TXNRD1: variants seen among roughly 807,000 people sequenced by gnomAD.
TXNRD1 encodes the protein thioredoxin reductase 1.
A neutral mutation model predicts 80.3 loss-of-function variants in TXNRD1; 57 were observed. That is an observed-to-expected ratio of 0.71 (90% CI 0.57 to 0.89). The LOEUF is 0.89. TXNRD1 is among the 40% of genes least tolerant of loss of function. TXNRD1 has a pLI of 0.00. For missense variants in TXNRD1, 730 were observed against 803.0 expected (o/e 0.91, Z 1.10); for synonymous variants, 291 against 285.2 (o/e 1.02, Z -0.20).
intron 4 of TXNRD1, chr12:104,304,283 T>G: frequency 6.2e-7 from 1 of 1,614,064 alleles, no homozygotes; most frequent in African/African-American, 1.3e-5. Context: ...CTTTAATCAG[T>G]TAGCATTTTG....
chr12:104,299,637 C>T (rs1261926983), intron 4 of TXNRD1, among the ~76,000 whole-genome samples: 1 of 151,722 alleles, frequency 6.6e-6, no homozygotes, highest in African/African-American at 2.4e-5. Flanking sequence ...CGTGGTGACT[C>T]GTGCCTGTAA....
At chr12:104,324,214 T>C (rs2035671431) in intron 10 of TXNRD1, among the ~76,000 whole-genome samples, 2 of 152,132 alleles carry the variant, frequency 1.3e-5, no homozygotes, top group African/African-American at 4.8e-5. Context: ...TTGATTAAAA[T>C]TAAACAAGAA....
chr12:104,242,751 A>G (rs773731816), intron 1 of TXNRD1, among the ~76,000 whole-genome samples: 11 of 152,240 alleles, frequency 7.2e-5, no homozygotes, highest in Non-Finnish European at 1.2e-4. Flanking sequence ...GTAAACCAAG[A>G]CTAACCCCCA....
At chr12:104,217,394 T>C (rs578249539) in intron 1 of TXNRD1, among the ~76,000 whole-genome samples, 1 of 149,572 alleles carries the variant, frequency 6.7e-6, no homozygotes, top group East Asian at 2.0e-4. Context: ...CACCTCAGCC[T>C]CCACCTCCCA....
Position 104,290,720 on chromosome 12 carries a change from CATATATATATATATAT to C in TXNRD1, c.414+1703_414+1718del, listed in dbSNP as rs58669975. The stretch of plus-strand genomic sequence containing the variant: ...TCAAAAAAAAAAAAAAAGAAATATA[CATATATATATATATAT>C]ATATATATATATATATATATATGTA... On this transcript the variant is annotated intron_variant, in intron 4 of 16. Transcript: ENST00000525566. Among the ~76,000 whole-genome samples the C allele has an allele frequency of 1.4e-3, 78 of 55,864 alleles. 1 individual carries two copies. The highest frequency in any genetic ancestry group is 0.015 in the Middle Eastern group (1 of 68). The allele number at this position is 55,864 out of a possible 152,430, so 36.6% of individuals were successfully genotyped here.
intron 4 of TXNRD1, among the ~76,000 whole-genome samples, chr12:104,291,577 G>A (rs1311043161): frequency 7.3e-6 from 1 of 137,172 alleles, no homozygotes; most frequent in South Asian, 2.4e-4. Context: ...TCTGCCCCTC[G>A]GGTTCAAGTG....
intron 4 of TXNRD1, among the ~76,000 whole-genome samples, chr12:104,289,881 C>G (rs1487313734): frequency 1.3e-5 from 2 of 152,194 alleles, no homozygotes; most frequent in African/African-American, 4.8e-5. Flanking sequence ...TACAGGTGCC[C>G]GCCACTACAC....
rs560029171 is a variant in TXNRD1, at chr12:104,339,419, G to A, written c.1881+146G>A. 103 of 1,135,536 alleles carry A rather than the reference G, an allele frequency of 9.1e-5. 3 individuals are homozygous for A. The South Asian group carries it at 1.2e-3, about 13-fold the overall frequency. The allele number at this position is 1,135,536 out of a possible 1,614,324, so 70.3% of individuals were successfully genotyped here. On this transcript the variant is annotated intron_variant, in intron 16 of 16. Coordinates refer to ENST00000525566, the MANE Select transcript of TXNRD1 (RefSeq NM_001093771.3). ...GCTTTGTCTCTAAAAATTAGTTTTT[G>A]TCTTTCAATACTGATTGCTCATGGT...
chr12:104,331,667 A>G lies in TXNRD1; in HGVS notation c.1650+26A>G, dbSNP rs781101205. The G allele has an allele frequency of 3.6e-5, 52 of 1,436,870 alleles. 1 individual carries two copies. Among genetic ancestry groups the G allele is most frequent in the Middle Eastern group, 3.7e-4 (2 of 5,334 alleles). The allele number at this position is 1,436,870 out of a possible 1,614,324, so 89.0% of individuals were successfully genotyped here. A position where few individuals can be genotyped will look rare whatever the true frequency, so the allele number is the denominator to read the frequency against. ...GTAAGTTCTTTTCCTCTTTTCTCCT[A>G]TGTTATATCACTACTTTTTTTTCTT... is the stretch of plus-strand genomic sequence containing the variant. On this transcript the variant is annotated intron_variant, in intron 14 of 16. Transcript: ENST00000525566.
intron 7 of TXNRD1, among the ~76,000 whole-genome samples, chr12:104,317,365 C>CT (rs68031758): frequency 0.05 from 5,822 of 116,212 alleles, 186 homozygotes; most frequent in African/African-American, 0.073. Flanking sequence ...TCTGCAGTTA[C>CT]TTTTTTTTTT....
intron 14 of TXNRD1, among the ~76,000 whole-genome samples, chr12:104,332,068 T>C (rs1268043987): frequency 6.6e-6 from 1 of 152,184 alleles, no homozygotes; most frequent in Non-Finnish European, 1.5e-5. Context: ...TTGATTTCTC[T>C]GGGTTAATTA....
In TXNRD1 at chr12:104,293,623, GTAT is replaced by G. The variant is rs142174862; in HGVS notation, c.414+4585_414+4587del. Among the ~76,000 whole-genome samples, 939 of 152,198 alleles carry G rather than the reference GTAT, an allele frequency of 6.2e-3. 15 individuals carry two copies. The highest frequency in any genetic ancestry group is 0.021 in the African/African-American group (878 of 41,532). ...ACACCACCTCACCCAGCTTATTTTT[GTAT>G]TTTTTGTATATTGGGGGTTTCACCA... On this transcript the variant is annotated intron_variant, in intron 4 of 16. Coordinates refer to ENST00000525566, the MANE Select transcript of TXNRD1 (RefSeq NM_001093771.3).
rs1275704809 is a variant in TXNRD1 at position 104,325,233 on chromosome 12, C to T, written c.1216-104C>T. On this transcript the variant is annotated intron_variant, in intron 10 of 16. Coordinates refer to ENST00000525566, the MANE Select transcript of TXNRD1 (RefSeq NM_001093771.3). Reference sequence around the variant, plus strand: ...TGGGACATAAAAGACTTTTCAAGCACGATTTTATATTTTAACTTTGGGTTA... The same window carrying T: ...TGGGACATAAAAGACTTTTCAAGCATGATTTTATATTTTAACTTTGGGTTA... 16 of 838,450 alleles carry T rather than the reference C, an allele frequency of 1.9e-5. No homozygotes were observed. In the Admixed American group the frequency reaches 2.0e-4, roughly 10 times the overall value. 51.9% of individuals were successfully genotyped at this position (838,450 alleles called of 1,614,324 possible).
intron 3 of TXNRD1, among the ~76,000 whole-genome samples, chr12:104,263,368 C>T (rs572898216): frequency 6.6e-6 from 1 of 152,220 alleles, no homozygotes; most frequent in African/African-American, 2.4e-5. Context: ...CCATGACTTG[C>T]CCCCAGTGTC....
intron 3 of TXNRD1, among the ~76,000 whole-genome samples, chr12:104,286,425 G>A (rs2033972199): frequency 6.6e-6 from 1 of 152,116 alleles, no homozygotes; most frequent in African/African-American, 2.4e-5. Flanking sequence ...AGTTAGGTGT[G>A]TTCCTAAGAA....
At chr12:104,338,337 CTA>C (rs1219446244) in intron 15 of TXNRD1, among the ~76,000 whole-genome samples, 1 of 151,782 alleles carries the variant, frequency 6.6e-6, no homozygotes, top group Non-Finnish European at 1.5e-5. Flanking sequence ...ACATCATACT[CTA>C]TGTTTTGGTT....
At chr12:104,266,007 G>T (rs1410247800) in intron 3 of TXNRD1, among the ~76,000 whole-genome samples, 2 of 148,814 alleles carry the variant, frequency 1.3e-5, no homozygotes, top group South Asian at 2.1e-4. Flanking sequence ...ATCATTATTT[G>T]CCTATTGGAG....
At chr12:104,234,200 A>G (rs779249571) in intron 1 of TXNRD1, among the ~76,000 whole-genome samples, 4 of 152,194 alleles carry the variant, frequency 2.6e-5, no homozygotes, top group Admixed American at 1.3e-4. Context: ...TAGACTACCT[A>G]TTTGCATTTT....
rs367937240 is a variant in TXNRD1, at chr12:104,315,179, A to G, written c.611-598A>G. Reference sequence around the variant, plus strand: ...GCTGCTTGAATTACAATGGGGGACTACATCCTGATAAAATCCTTTGTAAGT... The same window carrying G: ...GCTGCTTGAATTACAATGGGGGACTGCATCCTGATAAAATCCTTTGTAAGT... On this transcript the variant is annotated intron_variant, in intron 6 of 16. Transcript: ENST00000525566. Among the ~76,000 whole-genome samples the G allele has an allele frequency of 5.3e-5, 8 of 152,228 alleles. No homozygotes were observed. The East Asian group carries it at 7.7e-4, about 15-fold the overall frequency.
Sources: allele counts gnomAD v4.1 joint callset (sites outside exome capture counted in the v4.1 genomes callset), GRCh38; gene constraint gnomAD v4.1.1; transcripts MANE v1.5; gene names NCBI Gene and HGNC (gene_info 2026-07-23, HGNC 2026-07-21).